Variants in GLIS3 observed in about 807,000 individuals in gnomAD.
GLIS3 encodes zinc finger protein GLIS3.
GLIS3 carries 53 observed loss-of-function variants against 78.6 expected under a neutral mutation model. The observed-to-expected ratio is 0.67, with a 90% confidence interval of 0.54 to 0.85. The LOEUF (loss-of-function observed/expected upper bound fraction) is 0.85, where lower values mean the gene tolerates loss of function less well. GLIS3 is among the 40% of genes least tolerant of loss of function. The pLI, the probability that GLIS3 is intolerant of heterozygous loss-of-function variation, is 0.00. For missense variants in GLIS3, 1,703 were observed against 1,231.1 expected, an observed-to-expected ratio of 1.38 and a Z score of -5.74; for synonymous variants, 684 against 509.9, an observed-to-expected ratio of 1.34 and a Z score of -4.60.
intron 1 of GLIS3, among the ~76,000 whole-genome samples, chr9:4,290,837 T>G (rs556855428): frequency 6.6e-6 from 1 of 152,138 alleles, no homozygotes; most frequent in African/African-American, 2.4e-5. Flanking sequence ...TGCAAACATG[T>G]GCCTGTGAAA....
rs945698127 is a variant in GLIS3 at position 4,290,630 on chromosome 9, T to A, written c.-98-4107A>T. Among the ~76,000 whole-genome samples, 5 of 152,136 alleles carry A rather than the reference T, an allele frequency of 3.3e-5. No individual in the cohort carries two copies. The East Asian group carries it at 9.6e-4, about 29-fold the overall frequency. On this transcript the variant is annotated intron_variant, in intron 1 of 10. Transcript: ENST00000381971. The stretch of plus-strand genomic sequence containing the variant: ...AATCAAGGACAGATAGAGCTGAATG[T>A]TCTTAGATCCTAGGAGTTCATTTAA...
chr9:3,927,385 T>C (rs1825326996), intron 6 of GLIS3, among the ~76,000 whole-genome samples: 1 of 152,340 alleles, frequency 6.6e-6, no homozygotes, highest in Middle Eastern at 3.4e-3. Context: ...TACTGGTATA[T>C]CCAAGGCTCT....
the GLIS3 span, among the ~76,000 whole-genome samples, chr9:4,384,489 T>C: frequency 2.6e-5 from 4 of 151,506 alleles, no homozygotes. Flanking sequence ...TTTCTCTTTC[T>C]TTCTCTCTCT....
the GLIS3 span, among the ~76,000 whole-genome samples, chr9:4,477,858 G>A: frequency 6.6e-6 from 1 of 152,006 alleles, no homozygotes; most frequent in Non-Finnish European, 1.5e-5. Context: ...AAATTAAAAT[G>A]GTAAAATTCA....
chr9:3,894,588 G>C (rs1822691508), intron 7 of GLIS3, among the ~76,000 whole-genome samples: 1 of 152,094 alleles, frequency 6.6e-6, no homozygotes. Flanking sequence ...TAATGATATT[G>C]TAAGAGAGAA....
chr9:4,426,395 A>G, the GLIS3 span, among the ~76,000 whole-genome samples: 1 of 152,182 alleles, frequency 6.6e-6, no homozygotes. Flanking sequence ...TCTCACATTC[A>G]GCCACGTTGA....
chr9:4,480,656 G>GA, the GLIS3 span, among the ~76,000 whole-genome samples: 1 of 151,826 alleles, frequency 6.6e-6, no homozygotes, highest in African/African-American at 2.4e-5. Context: ...CTCAGCATAC[G>GA]AACGCCTTGG....
chr9:4,351,983 G>C (rs1016756354), upstream of GLIS3, among the ~76,000 whole-genome samples: 1 of 152,184 alleles, frequency 6.6e-6, no homozygotes, highest in African/African-American at 2.4e-5. Context: ...AGGGTTAATA[G>C]CTGCTCTTGG....
At chr9:4,120,850 T>G (rs1428473096) in intron 3 of GLIS3, among the ~76,000 whole-genome samples, 1 of 152,234 alleles carries the variant, frequency 6.6e-6, no homozygotes, top group Admixed American at 6.5e-5. Context: ...TCCACCTATA[T>G]ATACTTTGCT....
chr9:4,189,366 T>A (rs1409612521), intron 2 of GLIS3, among the ~76,000 whole-genome samples: 1 of 152,230 alleles, frequency 6.6e-6, no homozygotes, highest in African/African-American at 2.4e-5. Flanking sequence ...TGAGAGTTTG[T>A]TATAATTTCT....
At chr9:3,944,937 G>A (rs1346393026) in intron 4 of GLIS3, among the ~76,000 whole-genome samples, 3 of 152,240 alleles carry the variant, frequency 2.0e-5, no homozygotes, top group African/African-American at 4.8e-5. Context: ...AGAAAAGGGG[G>A]CAGAACACAA....
intron 2 of GLIS3, among the ~76,000 whole-genome samples, chr9:4,315,557 C>G (rs1463229524): frequency 6.6e-6 from 1 of 152,146 alleles, no homozygotes; most frequent in Non-Finnish European, 1.5e-5. Flanking sequence ...TCACCCTCTG[C>G]CGCCTACATG....
At chr9:4,049,504 C>T (rs915046308) in intron 4 of GLIS3, among the ~76,000 whole-genome samples, 5 of 152,160 alleles carry the variant, frequency 3.3e-5, no homozygotes. Flanking sequence ...CCCACAGATG[C>T]CGGCAGGAGT....
chr9:4,130,986 T>C (rs931822231), intron 2 of GLIS3, among the ~76,000 whole-genome samples: 3 of 152,212 alleles, frequency 2.0e-5, no homozygotes, highest in Non-Finnish European at 4.4e-5. Flanking sequence ...GCCCACCTCT[T>C]GCACCAGTGT....
chr9:4,119,459 A>AT (rs1231226358), intron 3 of GLIS3, among the ~76,000 whole-genome samples: 1 of 152,208 alleles, frequency 6.6e-6, no homozygotes, highest in Admixed American at 6.5e-5. Flanking sequence ...AATTACTCTG[A>AT]TTTTTTTAAA....
intron 8 of GLIS3, among the ~76,000 whole-genome samples, chr9:3,856,995 A>G (rs1011743279): frequency 2.0e-5 from 3 of 152,248 alleles, no homozygotes; most frequent in African/African-American, 7.2e-5. Context: ...CTGACTCACT[A>G]TGTTTAAAAT....
At chr9:4,475,208 G>C in the GLIS3 span, among the ~76,000 whole-genome samples, 1 of 151,958 alleles carries the variant, frequency 6.6e-6, no homozygotes, top group Non-Finnish European at 1.5e-5. Context: ...TAATGAGAAA[G>C]GGTATTTGAA....
chr9:4,095,360 A>G (rs976174349), intron 4 of GLIS3, among the ~76,000 whole-genome samples: 3 of 152,196 alleles, frequency 2.0e-5, no homozygotes, highest in African/African-American at 4.8e-5. Context: ...AAGGGGTTTC[A>G]TAACAACCAC....
chr9:3,984,895 G>T (rs535652689), intron 4 of GLIS3, among the ~76,000 whole-genome samples: 1 of 152,154 alleles, frequency 6.6e-6, no homozygotes, highest in Non-Finnish European at 1.5e-5. Context: ...CAAAGTGGGA[G>T]TTTCTCTGTA....
Sources: gnomAD v4.1 joint callset for allele counts (sites outside exome capture counted in the v4.1 genomes callset) on GRCh38, gnomAD v4.1.1 for gene constraint, MANE v1.5 for transcripts, NCBI Gene and HGNC (gene_info 2026-07-23, HGNC 2026-07-21) for gene names.